The following HDAC1 variants were observed in gnomAD, a reference collection of about 807,000 sequenced individuals.
The protein encoded by HDAC1 is histone deacetylase 1, also known as protein deacetylase HDAC1.
In HDAC1, 18 loss-of-function variants were observed where a neutral mutation model predicts 65.5. The observed-to-expected ratio is 0.27, with a 90% CI of 0.19 to 0.41. HDAC1 has a LOEUF of 0.41. Ranked by LOEUF, HDAC1 falls within the 10% of genes least tolerant of loss-of-function variation. The pLI, the probability that HDAC1 is intolerant of heterozygous loss-of-function variation, is 1.00. For missense variants in HDAC1, 373 were observed against 625.2 expected (o/e 0.60, Z 4.30); for synonymous variants, 211 against 227.9 (o/e 0.93, Z 0.67).
Position 32,327,446 on chromosome 1 carries a change from G to C in HDAC1, c.495-90G>C. The C allele has an allele frequency of 1.0e-6, 1 of 977,810 alleles. No individual in the cohort carries two copies. Among genetic ancestry groups the C allele is most frequent in the Non-Finnish European group, 1.6e-6 (1 of 622,144 alleles). The allele number at this position is 977,810 out of a possible 1,614,324, so 60.6% of individuals were successfully genotyped here. On this transcript the variant is annotated intron_variant, in intron 5 of 13. Coordinates refer to ENST00000373548, the MANE Select transcript of HDAC1 (RefSeq NM_004964.3). The surrounding 1 kb of genome is among the most constrained non-coding windows in gnomAD (Gnocchi z 6.0). ...CTGGTGCTTAGAGATACCTGAGGGA[G>C]GCAGCCAGCCCGGTAAGCTGGGAGC...
At chr1:32,314,177 A>T (rs1570019433) in intron 2 of HDAC1, among the ~76,000 whole-genome samples, 2 of 152,244 alleles carry the variant, frequency 1.3e-5, no homozygotes, top group Middle Eastern at 6.8e-3. Context: ...TGATTCACCA[A>T]AAATTGGGTA....
At position 32,330,557 on chromosome 1, in the gene HDAC1, G is replaced by T; in HGVS notation, c.730-21G>T. On this transcript the variant is annotated intron_variant, in intron 7 of 13. Coordinates refer to ENST00000373548, the MANE Select transcript of HDAC1 (RefSeq NM_004964.3). The surrounding 1 kb of genome is among the most constrained non-coding windows in gnomAD (Gnocchi z 4.2). ...GTATTGCTTTCTTGAGGTTGGTGGT[G>T]ACCAGGATGTATCATTTTAGGTCAT... 4 of 1,554,944 alleles carry T rather than the reference G, an allele frequency of 2.6e-6. No individual in the cohort carries two copies. The South Asian group carries it at 4.5e-5, about 17-fold the overall frequency.
chr1:32,331,915 C>CT lies in HDAC1; in HGVS notation c.1219+110dup. 6.8e-7 allele frequency: 1 copy of CT among 1,463,440 alleles called. No homozygotes were observed. Among genetic ancestry groups the CT allele is most frequent in the South Asian group, 1.4e-5 (1 of 74,066 alleles). The allele number at this position is 1,463,440 out of a possible 1,614,324, so 90.7% of individuals were successfully genotyped here. A position where few individuals can be genotyped will look rare whatever the true frequency, so the allele number is the denominator to read the frequency against. On this transcript the variant is annotated intron_variant, in intron 11 of 13. Coordinates refer to ENST00000373548, the MANE Select transcript of HDAC1 (RefSeq NM_004964.3). The surrounding 1 kb of genome is among the most constrained non-coding windows in gnomAD (Gnocchi z 4.2). ...CCAAGCTCCCCACCTGTAGAGAAAT[C>CT]TGTTTTCGAGTTCCAGTGCCTGTAG...
Position 32,329,554 on chromosome 1 carries a change from C to A in HDAC1, c.729+394C>A. On this transcript the variant is annotated intron_variant, in intron 7 of 13. Coordinates refer to ENST00000373548, the MANE Select transcript of HDAC1 (RefSeq NM_004964.3). This position sits in a 1 kb window ranked among gnomAD's most constrained non-coding sequence, Gnocchi z 4.1. ...GTTTTTTGTGTTCCTCATTGCCTTA[C>A]ATTGATGTCTGCACATTAGAAGAAG... 1 of 282,878 alleles carries A rather than the reference C, an allele frequency of 3.5e-6. No homozygotes were observed. The highest frequency in any genetic ancestry group is 6.9e-6 in the Non-Finnish European group (1 of 145,404). 17.5% of individuals were successfully genotyped at this position (282,878 alleles called of 1,614,324 possible).
chr1:32,333,249 C>A lies in HDAC1; in HGVS notation c.*205C>A. 2.2e-6 allele frequency: 1 copy of A among 462,700 alleles called. No homozygotes were observed. The highest frequency in any genetic ancestry group is 3.8e-6 in the Non-Finnish European group (1 of 260,780). 28.7% of individuals were successfully genotyped at this position (462,700 alleles called of 1,614,324 possible). A position where few individuals can be genotyped will look rare whatever the true frequency, so the allele number is the denominator to read the frequency against. ...GAGCCACCTTGCCACCCATTCTTCCCGTTCTTAACTTTGAACCATAAAGGG... is the reference window on the plus strand; with the variant it reads ...GAGCCACCTTGCCACCCATTCTTCCAGTTCTTAACTTTGAACCATAAAGGG... On this transcript the variant is annotated 3_prime_UTR_variant, in exon 14 of 14. Transcript: ENST00000373548.
chr1:32,327,259 T>C lies in HDAC1; in HGVS notation c.494+182T>C. ...TCTTGGTTTGATCTGAGCCACGGCATGATCAGGGGCAGATGCTGCTCAGAT... is the reference window on the plus strand; with the variant it reads ...TCTTGGTTTGATCTGAGCCACGGCACGATCAGGGGCAGATGCTGCTCAGAT... On this transcript the variant is annotated intron_variant, in intron 5 of 13. Transcript: ENST00000373548. This position sits in a 1 kb window ranked among gnomAD's most constrained non-coding sequence, Gnocchi z 6.0. 1.6e-6 allele frequency: 1 copy of C among 640,276 alleles called. No individual in the cohort carries two copies. Among genetic ancestry groups the C allele is most frequent in the Non-Finnish European group, 2.7e-6 (1 of 368,144 alleles). The allele number at this position is 640,276 out of a possible 1,614,324, so 39.7% of individuals were successfully genotyped here.
At chr1:32,296,951 T>C (rs1640775213) in intron 1 of HDAC1, among the ~76,000 whole-genome samples, 1 of 151,996 alleles carries the variant, frequency 6.6e-6, no homozygotes, top group Non-Finnish European at 1.5e-5. Context: ...AAGGAAAAGT[T>C]CAAATGGAGG....
At chr1:32,299,940 C>A (rs910294356) in intron 1 of HDAC1, among the ~76,000 whole-genome samples, 1 of 152,142 alleles carries the variant, frequency 6.6e-6, no homozygotes, top group Non-Finnish European at 1.5e-5. Context: ...CATCTGTAGT[C>A]CCAGCTGCTT....
At chr1:32,300,116 G>A (rs778099749) in intron 1 of HDAC1, among the ~76,000 whole-genome samples, 3 of 152,092 alleles carry the variant, frequency 2.0e-5, no homozygotes, top group African/African-American at 7.2e-5. Flanking sequence ...TTTGGAGTCC[G>A]AAGAGTGGAC....
At position 32,329,097 on chromosome 1, in the gene HDAC1, T is replaced by C. The variant is rs912942584; in HGVS notation, c.666T>C (p.Tyr222=). Residue 222 remains tyrosine, a synonymous_variant, in exon 7 of 14, where the codon TAT becomes TAC. Coordinates refer to ENST00000373548, the MANE Select transcript of HDAC1 (RefSeq NM_004964.3). This position sits in a 1 kb window ranked among gnomAD's most constrained non-coding sequence, Gnocchi z 4.1. ...TCGGGGCTGGCAAAGGCAAGTATTA[T>C]GCTGTTAACTACCCGCTCCGAGACG... ...RDIGAGKGKY[Y]AVNYPLRDGI... The C allele has an allele frequency of 1.2e-6, 2 of 1,612,094 alleles. No homozygotes were observed. Among genetic ancestry groups the C allele is most frequent in the Non-Finnish European group, 1.7e-6 (2 of 1,178,236 alleles).
intron 3 of HDAC1, among the ~76,000 whole-genome samples, chr1:32,321,771 T>C (rs988489567): frequency 1.3e-5 from 2 of 152,006 alleles, no homozygotes; most frequent in African/African-American, 4.8e-5. Flanking sequence ...TTCCTTCCCA[T>C]GGAGGCTCCA....
At chr1:32,306,311 A>G (rs1640910974) in intron 2 of HDAC1, among the ~76,000 whole-genome samples, 1 of 150,914 alleles carries the variant, frequency 6.6e-6, no homozygotes, top group Non-Finnish European at 1.5e-5. Flanking sequence ...GGCATGCGCC[A>G]CCACGGCCAG....
chr1:32,297,650 G>T (rs932724401), intron 1 of HDAC1, among the ~76,000 whole-genome samples: 1 of 151,856 alleles, frequency 6.6e-6, no homozygotes, highest in Non-Finnish European at 1.5e-5. Context: ...TTGCTCTGTC[G>T]CCCAGGCTGG....
intron 2 of HDAC1, among the ~76,000 whole-genome samples, chr1:32,303,861 C>G (rs76688209): frequency 1.3e-5 from 2 of 150,524 alleles, no homozygotes; most frequent in Non-Finnish European, 3.0e-5. Context: ...GATTTTGTCT[C>G]AAAAAAAAAG....
rs1404471910 is a variant in HDAC1 at position 32,305,876 on chromosome 1, C to T, written c.162+3143C>T. 3.9e-5 allele frequency among the ~76,000 whole-genome samples: 6 copies of T among 152,170 alleles called. No individual in the cohort carries two copies. In the South Asian group the frequency reaches 1.0e-3, roughly 26 times the overall value. ...CTGTCCACCTTGGCCTCCCTAAGTG[C>T]TGAGATTACAGGCGTGAGCCACAGT... On this transcript the variant is annotated intron_variant, in intron 2 of 13. Coordinates refer to ENST00000373548, the MANE Select transcript of HDAC1 (RefSeq NM_004964.3).
intron 3 of HDAC1, among the ~76,000 whole-genome samples, chr1:32,320,542 AT>A (rs1390140449): frequency 6.6e-6 from 1 of 152,168 alleles, no homozygotes; most frequent in East Asian, 1.9e-4. Context: ...TGATGGTAGA[AT>A]GCAGAATGGA....
intron 12 of HDAC1, 55 bp downstream of exon 12, chr1:32,332,297 G>C: frequency 2.0e-6 from 3 of 1,523,160 alleles, no homozygotes; most frequent in Non-Finnish European, 2.7e-6. Context: ...ATGAATCTAT[G>C]TAGGGCAGTG....
In HDAC1 at chr1:32,330,823, G is replaced by A; in HGVS notation, c.894G>A (p.Leu298=). 2 of 1,614,120 alleles carry A rather than the reference G, an allele frequency of 1.2e-6. No individual in the cohort carries two copies. The highest frequency in any genetic ancestry group is 1.7e-6 in the Non-Finnish European group (2 of 1,179,980). Residue 298 remains leucine (L), a synonymous_variant, in exon 9 of 14, where the codon CTG becomes CTA. Transcript: ENST00000373548. This position sits in a 1 kb window ranked among gnomAD's most constrained non-coding sequence, Gnocchi z 4.2. ...GCTTTAACCTGCCTATGCTGATGCT[G>A]GGAGGCGGTGGTTACACCATTCGTA... ...VKSFNLPMLM[L]GGGGYTIRNV... is the part of the protein sequence containing the mutation.
At chr1:32,314,033 C>T (rs1259913389) in intron 2 of HDAC1, among the ~76,000 whole-genome samples, 2 of 152,104 alleles carry the variant, frequency 1.3e-5, no homozygotes, top group East Asian at 3.8e-4. Context: ...TACAGAAACA[C>T]TCAGCGAGCC....
Sources: gnomAD v4.1 joint callset for allele counts (sites outside exome capture counted in the v4.1 genomes callset) on GRCh38, gnomAD v4.1.1 for gene constraint, Gnocchi (gnomAD v3.1) non-coding constraint, MANE v1.5 for transcripts, NCBI Gene and HGNC (gene_info 2026-07-23, HGNC 2026-07-21) for gene names.